Variants in LRRC75A observed in about 807,000 individuals in gnomAD.
LRRC75A encodes the protein leucine rich repeat containing 75A.
In LRRC75A, 12 loss-of-function variants were observed where a neutral mutation model predicts 26.0. That is an observed-to-expected ratio of 0.46 (90% CI 0.30 to 0.75). The LOEUF is 0.75. LRRC75A is among the 30% of genes least tolerant of loss of function. The pLI, the probability that LRRC75A is intolerant of heterozygous loss-of-function variation, is 0.08. For synonymous variants in LRRC75A, 223 were observed against 219.3 expected, an observed-to-expected ratio of 1.02 and a Z score of -0.15; for missense variants, 410 against 486.6, an observed-to-expected ratio of 0.84 and a Z score of 1.48.
chr17:16,468,057 A>C (rs758100011), intron 1 of LRRC75A, among the ~76,000 whole-genome samples: 1 of 152,242 alleles, frequency 6.6e-6, no homozygotes, highest in Non-Finnish European at 1.5e-5. Context: ...AATCCCAGAA[A>C]ATAACAAGGG....
chr17:16,474,179 A>G (rs2093814230), intron 1 of LRRC75A, among the ~76,000 whole-genome samples: 1 of 151,252 alleles, frequency 6.6e-6, no homozygotes, highest in Non-Finnish European at 1.5e-5. Context: ...GGTGGGGGAC[A>G]GACGTGGGTT....
intron 1 of LRRC75A, among the ~76,000 whole-genome samples, chr17:16,473,481 C>T (rs990706092): frequency 1.3e-5 from 2 of 152,152 alleles, no homozygotes; most frequent in African/African-American, 2.4e-5. Flanking sequence ...TCGAGGGCAC[C>T]CTGGCTTGGT....
chr17:16,451,694 A>G (rs2093632414), intron 2 of LRRC75A, among the ~76,000 whole-genome samples: 1 of 151,980 alleles, frequency 6.6e-6, no homozygotes, highest in Non-Finnish European at 1.5e-5. Flanking sequence ...TGGCCCATCT[A>G]GAGCTGTGCT....
intron 2 of LRRC75A, among the ~76,000 whole-genome samples, chr17:16,454,608 G>A (rs1413591372): frequency 6.7e-6 from 1 of 149,902 alleles, no homozygotes; most frequent in African/African-American, 2.5e-5. Flanking sequence ...GGAGAATCGC[G>A]TGAACCCAGG....
intron 3 of LRRC75A, chr17:16,446,868 T>G: frequency 3.4e-6 from 1 of 294,352 alleles, no homozygotes; most frequent in Non-Finnish European, 6.9e-6. Flanking sequence ...GCCAGCACCA[T>G]CACAGCCTTA....
intron 1 of LRRC75A, among the ~76,000 whole-genome samples, chr17:16,468,609 C>G (rs1485720881): frequency 6.6e-6 from 1 of 152,196 alleles, no homozygotes; most frequent in South Asian, 2.1e-4. Context: ...GTCCGTTTTG[C>G]AAGATGAGAG....
At chr17:16,488,298 C>T (rs1334828747) in intron 1 of LRRC75A, among the ~76,000 whole-genome samples, 1 of 152,366 alleles carries the variant, frequency 6.6e-6, no homozygotes, top group Non-Finnish European at 1.5e-5. Flanking sequence ...TTTATCTCCA[C>T]GAGCATTCGC....
In LRRC75A at chr17:16,468,028, G is replaced by T. The variant is rs996477436; in HGVS notation, c.247-5642C>A. ...ACTTCTCTGGCCAATCCAGTTCTCA[G>T]ATCCAAAAAGCCCCGTAAAATCCCA... is the stretch of plus-strand genomic sequence containing the variant. On this transcript the variant is annotated intron_variant, in intron 1 of 3. Coordinates refer to ENST00000470794, the MANE Select transcript of LRRC75A (RefSeq NM_001113567.3). Among the ~76,000 whole-genome samples, 3 of 152,186 alleles carry T rather than the reference G, an allele frequency of 2.0e-5. No homozygotes were observed. The East Asian group carries it at 5.8e-4, about 29-fold the overall frequency.
At chr17:16,465,434 G>A (rs565448095) in intron 1 of LRRC75A, among the ~76,000 whole-genome samples, 4 of 152,324 alleles carry the variant, frequency 2.6e-5, no homozygotes, top group East Asian at 3.9e-4. Context: ...TGAGGCTGAC[G>A]GTCAGGGGCT....
chr17:16,485,265 C>G (rs2093843770), intron 1 of LRRC75A, among the ~76,000 whole-genome samples: 1 of 152,204 alleles, frequency 6.6e-6, no homozygotes, highest in Admixed American at 6.5e-5. Flanking sequence ...CCTCTCCATT[C>G]TCAAATGTAT....
At chr17:16,489,863 C>T (rs2093853818) in intron 1 of LRRC75A, among the ~76,000 whole-genome samples, 1 of 151,768 alleles carries the variant, frequency 6.6e-6, no homozygotes, top group South Asian at 2.1e-4. Flanking sequence ...GATAAGCCCC[C>T]TCCCACCCCC....
intron 3 of LRRC75A, 55 bp from the exon 4 acceptor site, chr17:16,444,186 A>G (rs2093560306): frequency 1.4e-6 from 2 of 1,407,986 alleles, no homozygotes; most frequent in Non-Finnish European, 1.9e-6. Flanking sequence ...CCTTTCCCCC[A>G]GAAGCTGCAG....
intron 2 of LRRC75A, among the ~76,000 whole-genome samples, chr17:16,461,412 C>T (rs114420293): frequency 2.7e-4 from 41 of 152,376 alleles, no homozygotes; most frequent in African/African-American, 9.6e-4. Flanking sequence ...ACCAAAGCAA[C>T]AGAGAAGCGC....
intron 1 of LRRC75A, among the ~76,000 whole-genome samples, chr17:16,487,205 T>A (rs16959752): frequency 0.36 from 54,080 of 152,060 alleles, 10,573 homozygotes; most frequent in African/African-American, 0.52. Flanking sequence ...AGTGGAAACA[T>A]GAAAAGCATT....
intron 2 of LRRC75A, among the ~76,000 whole-genome samples, chr17:16,450,134 A>G (rs1252760859): frequency 6.6e-6 from 1 of 152,194 alleles, no homozygotes; most frequent in Non-Finnish European, 1.5e-5. Context: ...ACCAGACATC[A>G]CGCAAGAAGG....
In LRRC75A at chr17:16,444,183, C is replaced by G. The variant is rs73978887; in HGVS notation, c.492-52G>C. 3,394 of 1,438,870 alleles carry G rather than the reference C, an allele frequency of 2.4e-3. 63 individuals are homozygous for G. In the African/African-American group the frequency reaches 0.043, roughly 18 times the overall value. 89.1% of individuals were successfully genotyped at this position (1,438,870 alleles called of 1,614,324 possible). On this transcript the variant is annotated intron_variant, in intron 3 of 3. Coordinates refer to ENST00000470794, the MANE Select transcript of LRRC75A (RefSeq NM_001113567.3). Reference sequence around the variant, plus strand: ...TCAGGCACATAGGGCAGGCCTTTCCCCCAGAAGCTGCAGTGCCAGCCTCTG... The same window carrying G: ...TCAGGCACATAGGGCAGGCCTTTCCGCCAGAAGCTGCAGTGCCAGCCTCTG...
At position 16,462,508 on chromosome 17, in the gene LRRC75A, A is replaced by T; in HGVS notation, c.247-122T>A. 1 of 1,328,674 alleles carries T rather than the reference A, an allele frequency of 7.5e-7. No individual in the cohort carries two copies. Among genetic ancestry groups the T allele is most frequent in the East Asian group, 2.5e-5 (1 of 40,188 alleles). The allele number at this position is 1,328,674 out of a possible 1,614,324, so 82.3% of individuals were successfully genotyped here. ...TCTGCCTCCCAGAGCCCCGGTGGGG[A>T]GCATCTGCAGAACTTCCCTCAGGGG... is the stretch of plus-strand genomic sequence containing the variant. On this transcript the variant is annotated intron_variant, in intron 1 of 3. Coordinates refer to ENST00000470794, the MANE Select transcript of LRRC75A (RefSeq NM_001113567.3). The surrounding 1 kb of genome is among the most constrained non-coding windows in gnomAD (Gnocchi z 4.6).
intron 1 of LRRC75A, among the ~76,000 whole-genome samples, chr17:16,490,985 A>T (rs988206878): frequency 6.6e-6 from 1 of 152,268 alleles, no homozygotes; most frequent in African/African-American, 2.4e-5. Flanking sequence ...TGATAGCATT[A>T]GCCTCAGGGC....
intron 1 of LRRC75A, among the ~76,000 whole-genome samples, chr17:16,468,919 AG>A (rs2093789556): frequency 6.6e-6 from 1 of 152,056 alleles, no homozygotes; most frequent in African/African-American, 2.4e-5. Flanking sequence ...TTGGGATAGG[AG>A]GGGGCAGGGG....
Sources: allele counts gnomAD v4.1 joint callset (sites outside exome capture counted in the v4.1 genomes callset), GRCh38; gene constraint gnomAD v4.1.1; non-coding constraint Gnocchi (gnomAD v3.1); transcripts MANE v1.5; gene names NCBI Gene and HGNC (gene_info 2026-07-23, HGNC 2026-07-21).